PRKCA: variants seen among roughly 807,000 people sequenced by gnomAD.
PRKCA encodes the protein protein kinase C alpha.
Under a neutral mutation model 87.0 loss-of-function variants are expected in PRKCA, and 27 were observed. The ratio of observed to expected loss-of-function variants is 0.31; its 90% CI spans 0.23 to 0.43. The LOEUF (loss-of-function observed/expected upper bound fraction) is 0.43, where lower values mean the gene tolerates loss of function less well. Ranked by LOEUF, PRKCA falls within the 20% of genes least tolerant of loss-of-function variation. PRKCA has a pLI of 1.00. For synonymous variants in PRKCA, 329 were observed against 311.1 expected (o/e 1.06, Z -0.61); for missense variants, 518 against 852.3 (o/e 0.61, Z 4.88).
chr17:66,679,424 A>G (rs575625994), intron 5 of PRKCA, among the ~76,000 whole-genome samples: 251 of 152,000 alleles, frequency 1.7e-3, no homozygotes, highest in Non-Finnish European at 2.6e-3. Flanking sequence ...CTCGTGATCC[A>G]CCCGCCTTGG....
chr17:66,326,109 A>G (rs990534516), intron 2 of PRKCA, among the ~76,000 whole-genome samples: 1 of 152,148 alleles, frequency 6.6e-6, no homozygotes, highest in African/African-American at 2.4e-5. Flanking sequence ...TTTCTCATTT[A>G]ATCTTCACTA....
chr17:66,488,952 C>G (rs767284548), intron 2 of PRKCA, among the ~76,000 whole-genome samples: 26 of 152,000 alleles, frequency 1.7e-4, no homozygotes, highest in Admixed American at 5.9e-4. Context: ...CATTACTTTC[C>G]CTACAAAGCT....
intron 5 of PRKCA, among the ~76,000 whole-genome samples, chr17:66,671,219 A>G (rs1972172920): frequency 6.8e-6 from 1 of 147,210 alleles, no homozygotes; most frequent in African/African-American, 2.6e-5. Context: ...CAAAAAAAAA[A>G]AAAAAAAAAA....
intron 3 of PRKCA, among the ~76,000 whole-genome samples, chr17:66,550,789 G>A (rs1402539464): frequency 6.6e-6 from 1 of 152,182 alleles, no homozygotes; most frequent in Non-Finnish European, 1.5e-5. Context: ...TCCATGGTGC[G>A]ATGCGGGTGG....
intron 5 of PRKCA, among the ~76,000 whole-genome samples, chr17:66,648,514 T>C (rs1296807639): frequency 6.6e-6 from 1 of 152,196 alleles, no homozygotes; most frequent in African/African-American, 2.4e-5. Flanking sequence ...AATATTTAAA[T>C]GGCACATGCG....
At chr17:66,437,731 T>TTTTTTTTTTTGGGG (rs55779501) in intron 2 of PRKCA, among the ~76,000 whole-genome samples, 15 of 11,158 alleles carry the variant, frequency 1.3e-3, no homozygotes, top group Non-Finnish European at 2.1e-3. Context: ...TTTTTTTTTT[T>TTTTTTTTTTTGGGG]GAGCGGGGGG....
chr17:66,688,742 G>A (rs550904705), intron 7 of PRKCA, among the ~76,000 whole-genome samples: 1 of 152,244 alleles, frequency 6.6e-6, no homozygotes, highest in African/African-American at 2.4e-5. Flanking sequence ...GGCTGAGGCT[G>A]CAGTGAGCTT....
chr17:66,687,992 A>G (rs369859427), intron 6 of PRKCA, among the ~76,000 whole-genome samples: 7 of 152,336 alleles, frequency 4.6e-5, no homozygotes, highest in Admixed American at 1.3e-4. Flanking sequence ...TGGGTCATAT[A>G]GCCTCTGTTG....
chr17:66,308,055 G>A (rs1162670098), intron 2 of PRKCA, among the ~76,000 whole-genome samples: 1 of 152,124 alleles, frequency 6.6e-6, no homozygotes, highest in African/African-American at 2.4e-5. Flanking sequence ...ATGTGTGGAT[G>A]TATCCAATTT....
intron 3 of PRKCA, among the ~76,000 whole-genome samples, chr17:66,613,115 G>A (rs1051546829): frequency 2.0e-5 from 3 of 152,116 alleles, no homozygotes; most frequent in Non-Finnish European, 4.4e-5. Context: ...CTGTTCATTG[G>A]TGTATTTGAC....
intron 3 of PRKCA, among the ~76,000 whole-genome samples, chr17:66,536,571 A>G (rs1967792082): frequency 6.6e-6 from 1 of 152,224 alleles, no homozygotes; most frequent in Non-Finnish European, 1.5e-5. Context: ...CTTACTGGCC[A>G]TGTAACCTTG....
intron 3 of PRKCA, among the ~76,000 whole-genome samples, chr17:66,552,476 T>G (rs1230108175): frequency 2.0e-5 from 3 of 152,210 alleles, no homozygotes; most frequent in Non-Finnish European, 2.9e-5. Context: ...CATCTGAGGC[T>G]CGACTGGGGA....
intron 13 of PRKCA, among the ~76,000 whole-genome samples, chr17:66,757,734 G>A (rs1039792463): frequency 2.6e-5 from 4 of 151,998 alleles, no homozygotes; most frequent in Non-Finnish European, 4.4e-5. Flanking sequence ...TGTTTTTTGG[G>A]TTTTTCTTGA....
rs112862182 is a variant in PRKCA at position 66,714,569 on chromosome 17, C to T, written c.919-18119C>T. ...CCTGGAATGGAAATTTGTCTTCTGA[C>T]GCTGCCACCTGGCAGCAGGCGATGG... On this transcript the variant is annotated intron_variant, in intron 8 of 16. Transcript: ENST00000413366. Among the ~76,000 whole-genome samples the T allele has an allele frequency of 1.4e-3, 218 of 152,268 alleles. 1 individual carries two copies. The highest frequency in any genetic ancestry group is 4.7e-3 in the African/African-American group (197 of 41,542).
chr17:66,693,515 A>G (rs955826723), intron 8 of PRKCA, among the ~76,000 whole-genome samples: 2 of 152,170 alleles, frequency 1.3e-5, no homozygotes, highest in Admixed American at 1.3e-4. Context: ...AGCTTATCAT[A>G]TCCCCTGTGC....
chr17:66,513,054 C>G (rs773135311), intron 3 of PRKCA, among the ~76,000 whole-genome samples: 1 of 152,154 alleles, frequency 6.6e-6, no homozygotes, highest in African/African-American at 2.4e-5. Context: ...TAAAACCATA[C>G]AATTTATTTG....
intron 3 of PRKCA, among the ~76,000 whole-genome samples, chr17:66,559,316 CA>C (rs1200228075): frequency 9.6e-5 from 14 of 145,414 alleles, no homozygotes; most frequent in South Asian, 2.2e-4. Flanking sequence ...CCTAAAAATA[CA>C]AAAAAAAAAT....
chr17:66,526,047 T>A (rs974120025), intron 3 of PRKCA, among the ~76,000 whole-genome samples: 3 of 152,222 alleles, frequency 2.0e-5, no homozygotes, highest in African/African-American at 7.2e-5. Flanking sequence ...CTGCTGTGAT[T>A]GAAACATTTT....
chr17:66,672,990 G>T (rs926700953), intron 5 of PRKCA, among the ~76,000 whole-genome samples: 1 of 151,988 alleles, frequency 6.6e-6, no homozygotes, highest in African/African-American at 2.4e-5. Context: ...CTTGTATGAT[G>T]GGTGCACCCG....
Sources: allele counts gnomAD v4.1 joint callset (sites outside exome capture counted in the v4.1 genomes callset), GRCh38; gene constraint gnomAD v4.1.1; transcripts MANE v1.5; gene names NCBI Gene and HGNC (gene_info 2026-07-23, HGNC 2026-07-21).